The following DLGAP2 variants were observed in gnomAD, a reference collection of about 807,000 sequenced individuals.
The protein encoded by DLGAP2 is disks large-associated protein 2.
A neutral mutation model predicts 100.3 loss-of-function variants in DLGAP2; 26 were observed. The observed-to-expected ratio is 0.26, with a 90% CI of 0.19 to 0.36. The LOEUF is 0.36. Ranked by LOEUF, DLGAP2 falls within the 10% of genes least tolerant of loss-of-function variation. The pLI, the probability that DLGAP2 is intolerant of heterozygous loss-of-function variation, is 1.00. For missense variants in DLGAP2, 1,858 were observed against 1,453.2 expected (o/e 1.28, Z -4.53); for synonymous variants, 886 against 630.1 (o/e 1.41, Z -6.08).
intron 12 of DLGAP2, among the ~76,000 whole-genome samples, chr8:1,682,763 C>CAT (rs922554795): frequency 6.6e-6 from 1 of 151,630 alleles, no homozygotes; most frequent in Non-Finnish European, 1.5e-5. Flanking sequence ...TATGAACCAC[C>CAT]ATGCCCAGCC....
chr8:1,383,253 A>G (rs1035886604), intron 3 of DLGAP2, among the ~76,000 whole-genome samples: 3 of 152,248 alleles, frequency 2.0e-5, no homozygotes, highest in East Asian at 1.9e-4. Context: ...CTGGAAAGTC[A>G]TCAAGTTCTA....
intron 2 of DLGAP2, among the ~76,000 whole-genome samples, chr8:1,191,057 C>CG (rs1304940196): frequency 6.6e-6 from 1 of 152,080 alleles, no homozygotes; most frequent in African/African-American, 2.4e-5. Flanking sequence ...CCACATCCCA[C>CG]GGGGAGAGGC....
In DLGAP2 at chr8:1,438,021, A is replaced by G. The variant is rs368954916; in HGVS notation, c.107-63345A>G. On this transcript the variant is annotated intron_variant, in intron 3 of 14. Transcript: ENST00000637795. ...AAATGAATAAAATAAAAACCAAAGT[A>G]GGAAAAGAGGCCTAAGTTAAAATTT... Among the ~76,000 whole-genome samples the G allele has an allele frequency of 7.2e-5, 11 of 152,170 alleles. No homozygotes were observed. In the East Asian group the frequency reaches 2.1e-3, roughly 30 times the overall value.
chr8:1,277,575 A>G (rs1799728388), intron 3 of DLGAP2, among the ~76,000 whole-genome samples: 1 of 152,224 alleles, frequency 6.6e-6, no homozygotes, highest in Non-Finnish European at 1.5e-5. Context: ...AGCCCAGCAG[A>G]TGAGTATCCC....
chr8:1,437,670 T>C (rs1241883408), intron 3 of DLGAP2, among the ~76,000 whole-genome samples: 4 of 151,998 alleles, frequency 2.6e-5, no homozygotes, highest in Non-Finnish European at 4.4e-5. Context: ...CATCAGTTTA[T>C]ACATTAAAAA....
At chr8:1,517,990 C>G (rs1336250526) in intron 4 of DLGAP2, among the ~76,000 whole-genome samples, 2 of 152,310 alleles carry the variant, frequency 1.3e-5, no homozygotes, top group African/African-American at 4.8e-5. Flanking sequence ...GAATTTCACT[C>G]AAGGCAGATT....
intron 3 of DLGAP2, among the ~76,000 whole-genome samples, chr8:1,411,656 T>C (rs1796734395): frequency 6.6e-6 from 1 of 152,218 alleles, no homozygotes; most frequent in African/African-American, 2.4e-5. Flanking sequence ...CCTCCTGCTC[T>C]GAACCATCTG....
In DLGAP2 at chr8:827,951, G is replaced by C. The variant is rs1314135433; in HGVS notation, c.19-79961G>C. ...CCGGGGGAGACATCACACATTGGTA[G>C]GATCCGTGATGCCCCACAAGCCACA... is the stretch of plus-strand genomic sequence containing the variant. On this transcript the variant is annotated intron_variant, in intron 1 of 14. Transcript: ENST00000637795. Among the ~76,000 whole-genome samples the C allele has an allele frequency of 6.6e-5, 10 of 152,290 alleles. No homozygotes were observed. In the East Asian group the frequency reaches 1.9e-3, roughly 29 times the overall value.
chr8:1,676,967 T>C (rs542555186), intron 11 of DLGAP2, among the ~76,000 whole-genome samples: 7 of 152,314 alleles, frequency 4.6e-5, no homozygotes, highest in East Asian at 3.9e-4. Context: ...CGTAAAACGA[T>C]AGAAAGACAG....
At chr8:1,691,087 T>C (rs1310743340) in intron 12 of DLGAP2, among the ~76,000 whole-genome samples, 1 of 152,190 alleles carries the variant, frequency 6.6e-6, no homozygotes, top group Admixed American at 6.5e-5. Flanking sequence ...AGAACCCATA[T>C]GGATGTGTTT....
At chr8:849,870 C>A (rs1797148134) in intron 1 of DLGAP2, among the ~76,000 whole-genome samples, 2 of 152,074 alleles carry the variant, frequency 1.3e-5, no homozygotes, top group African/African-American at 4.8e-5. Flanking sequence ...TCCAAACCAG[C>A]CTGGCCAACA....
chr8:1,147,062 C>T (rs1039705510), intron 2 of DLGAP2, among the ~76,000 whole-genome samples: 5 of 152,110 alleles, frequency 3.3e-5, no homozygotes, highest in East Asian at 1.9e-4. Context: ...TTATGGAATC[C>T]GTAAATTAAA....
chr8:979,625 T>C (rs1309086715), intron 2 of DLGAP2, among the ~76,000 whole-genome samples: 1 of 152,228 alleles, frequency 6.6e-6, no homozygotes, highest in Non-Finnish European at 1.5e-5. Flanking sequence ...GTGATCCTAC[T>C]TTGAAATGAG....
At chr8:1,425,110 G>A (rs541564111) in intron 3 of DLGAP2, among the ~76,000 whole-genome samples, 2 of 152,236 alleles carry the variant, frequency 1.3e-5, no homozygotes, top group South Asian at 2.1e-4. Context: ...GCCAACTAAG[G>A]TAGTTTTTAA....
chr8:1,563,012 G>GC, intron 5 of DLGAP2, among the ~76,000 whole-genome samples: 1 of 67,856 alleles, frequency 1.5e-5, no homozygotes, highest in African/African-American at 6.2e-5. Flanking sequence ...CCTCGTTGCT[G>GC]GGGGGCTGTG....
intron 1 of DLGAP2, among the ~76,000 whole-genome samples, chr8:848,361 C>G (rs10088473): frequency 0.26 from 21,256 of 82,344 alleles, 2,685 homozygotes; most frequent in Non-Finnish European, 0.3. Context: ...CGTGCGGTGC[C>G]TGTTCCAGTG....
In DLGAP2 at chr8:1,267,618, T is replaced by TAAAAA. The variant is rs1563052066; in HGVS notation, c.106+8737_106+8738insAAAAA. Among the ~76,000 whole-genome samples the TAAAAA allele has an allele frequency of 8.5e-3, 665 of 78,016 alleles. 61 individuals are homozygous for TAAAAA. The highest frequency in any genetic ancestry group is 0.04 in the African/African-American group (640 of 15,872). 51.2% of individuals were successfully genotyped at this position (78,016 alleles called of 152,430 possible). A position where few individuals can be genotyped will look rare whatever the true frequency, so the allele number is the denominator to read the frequency against. ...TAAGATAAGATAAGATAAGATAAGA[T>TAAAAA]AAGATAAATATTAAATAGGTCTACA... is the stretch of plus-strand genomic sequence containing the variant. On this transcript the variant is annotated intron_variant, in intron 3 of 14. Transcript: ENST00000637795.
At chr8:1,360,236 C>T (rs1394310790) in intron 3 of DLGAP2, among the ~76,000 whole-genome samples, 828 of 53,644 alleles carry the variant, frequency 0.015, 6 homozygotes, top group Admixed American at 0.027. Flanking sequence ...TTCTCCGGGG[C>T]GGGGCTTCTC....
chr8:1,420,009 T>C (rs1427253580), intron 3 of DLGAP2, among the ~76,000 whole-genome samples: 2 of 152,124 alleles, frequency 1.3e-5, no homozygotes, highest in African/African-American at 4.8e-5. Flanking sequence ...AAGAATGAAA[T>C]CCTTAGGGTT....
Sources: allele counts gnomAD v4.1 joint callset (sites outside exome capture counted in the v4.1 genomes callset), GRCh38; gene constraint gnomAD v4.1.1; transcripts MANE v1.5; gene names NCBI Gene and HGNC (gene_info 2026-07-23, HGNC 2026-07-21).